DNAH5: variants seen among roughly 807,000 people sequenced by gnomAD.
DNAH5 encodes dynein axonemal heavy chain 5, also known as axonemal beta dynein heavy chain 5.
In DNAH5, 372 loss-of-function variants were observed where a neutral mutation model predicts 518.2. That is an observed-to-expected ratio of 0.72 (90% CI 0.66 to 0.78). The LOEUF (loss-of-function observed/expected upper bound fraction) is 0.78, where lower values mean the gene tolerates loss of function less well. Ranked by LOEUF, DNAH5 falls within the 30% of genes least tolerant of loss-of-function variation. The pLI is 0.00. For missense variants in DNAH5, 5,523 were observed against 5,687.0 expected, an observed-to-expected ratio of 0.97 and a Z score of 0.93; for synonymous variants, 2,039 against 2,025.9, an observed-to-expected ratio of 1.01 and a Z score of -0.17.
chr5:13,816,551 G>T (rs1388563649), intron 42 of DNAH5, among the ~76,000 whole-genome samples: 1 of 131,926 alleles, frequency 7.6e-6, no homozygotes, highest in African/African-American at 3.0e-5. Context: ...AATGTGGAAA[G>T]GGGAAAAAAA....
Position 13,943,698 on chromosome 5 carries a change from TA to T in DNAH5, c.57+683del, listed in dbSNP as rs530739307. ...CTCTTTTGTGGTAAAAACAACAGGC[TA>T]GGGGGGATCATGTGAGCTTCTGGGG... On this transcript the variant is annotated intron_variant, in intron 1 of 78. Transcript: ENST00000265104. Among the ~76,000 whole-genome samples, 1,170 of 152,214 alleles carry T rather than the reference TA, an allele frequency of 7.7e-3. 5 individuals carry two copies. Among genetic ancestry groups the T allele is most frequent in the South Asian group, 0.025 (118 of 4,814 alleles).
At chr5:13,938,467 A>G (rs1823046) in intron 1 of DNAH5, among the ~76,000 whole-genome samples, 60,154 of 151,278 alleles carry the variant, frequency 0.4, 13,236 homozygotes, top group East Asian at 0.7. Flanking sequence ...TTTTATTATT[A>G]TTGTTGTTGT....
At chr5:13,929,217 G>A (rs1778181090) in intron 2 of DNAH5, among the ~76,000 whole-genome samples, 1 of 152,188 alleles carries the variant, frequency 6.6e-6, no homozygotes, top group Admixed American at 6.5e-5. Flanking sequence ...TACACTAAGT[G>A]AAATAAGACG....
chr5:13,746,677 A>T lies in DNAH5; in HGVS notation c.11211+4401T>A, dbSNP rs558631943. Reference sequence around the variant, plus strand: ...TGGGAGGCAATTAGTATTAACAGCAAATATTTGATTCAGGTTGAGTTTCTC... The same window carrying T: ...TGGGAGGCAATTAGTATTAACAGCATATATTTGATTCAGGTTGAGTTTCTC... On this transcript the variant is annotated intron_variant, in intron 65 of 78. Coordinates refer to ENST00000265104, the MANE Select transcript of DNAH5 (RefSeq NM_001369.3). Among the ~76,000 whole-genome samples the T allele has an allele frequency of 2.3e-3, 347 of 152,232 alleles. 1 individual carries two copies. Among genetic ancestry groups the T allele is most frequent in the African/African-American group, 8.1e-3 (336 of 41,550 alleles).
chr5:13,743,573 G>C (rs955664557), intron 65 of DNAH5, among the ~76,000 whole-genome samples: 10 of 151,712 alleles, frequency 6.6e-5, no homozygotes, highest in Admixed American at 6.6e-4. Flanking sequence ...ATTTATCTAA[G>C]AGGGGATTAA....
intron 17 of DNAH5, 60 bp from the exon 18 acceptor site, chr5:13,886,189 G>A (rs1430240971): frequency 2.7e-6 from 4 of 1,492,152 alleles, no homozygotes; most frequent in Non-Finnish European, 3.6e-6. Context: ...TCTAGCTTTT[G>A]AGAGCACAGA....
chr5:13,847,740 GA>G (rs973828827), intron 31 of DNAH5, among the ~76,000 whole-genome samples: 17 of 147,358 alleles, frequency 1.2e-4, no homozygotes, highest in South Asian at 2.2e-4. Flanking sequence ...AAAAAAAGGA[GA>G]AAAAAAAAAT....
In DNAH5 at chr5:13,814,665, G is replaced by A. The variant is rs1227226943; in HGVS notation, c.7170C>T (p.Val2390=). 6.2e-7 allele frequency: 1 copy of A among 1,614,022 alleles called. No homozygotes were observed. The stretch of plus-strand genomic sequence containing the variant: ...TCATGAAAACCATTCCATTTCTTGA[G>A]ACGGTGGCAGGAGAAGCATTGTCAA... ...HNIDNASPAT[V]SRNGMVFMSS... is the part of the protein sequence containing the mutation. The change falls in exon 43 of 79, where the codon GTC becomes GTT. Residue 2390 remains valine (V), a synonymous_variant. Transcript: ENST00000265104.
At chr5:13,832,484 T>C (rs932751943) in intron 35 of DNAH5, among the ~76,000 whole-genome samples, 1 of 152,242 alleles carries the variant, frequency 6.6e-6, no homozygotes, top group African/African-American at 2.4e-5. Context: ...TGAGTGTATC[T>C]CCCTTCTTGC....
intron 38 of DNAH5, among the ~76,000 whole-genome samples, chr5:13,827,982 TGCTGAA>T (rs1763122343): frequency 6.6e-6 from 1 of 152,238 alleles, no homozygotes; most frequent in Non-Finnish European, 1.5e-5. Flanking sequence ...TTCCCAGCCA[TGCTGAA>T]GTGTGATTCA....
At chr5:13,794,208 A>G in intron 47 of DNAH5, 150 bp from the exon 48 acceptor site, 5 of 929,664 alleles carry the variant, frequency 5.4e-6, no homozygotes, top group South Asian at 3.2e-5. Context: ...AACAAATTCT[A>G]AAGTACCTAA....
At chr5:13,842,132 C>A (rs1462587846) in intron 32 of DNAH5, among the ~76,000 whole-genome samples, 1 of 151,638 alleles carries the variant, frequency 6.6e-6, no homozygotes, top group Non-Finnish European at 1.5e-5. Context: ...GTAATCCCAG[C>A]ACTTTGGGAG....
rs78336763 is a variant in DNAH5 at position 13,707,586 on chromosome 5, C to G, written c.13338+537G>C. 0.029 allele frequency among the ~76,000 whole-genome samples: 4,400 copies of G among 152,288 alleles called. 207 individuals are homozygous for G. The highest frequency in any genetic ancestry group is 0.096 in the African/African-American group (3,985 of 41,550). ...CTCTGCATGCTCCCCCTAGGGATTT[C>G]AGCAGCAGGGCACAGAAAACCCAGC... On this transcript the variant is annotated intron_variant, in intron 76 of 78. Coordinates refer to ENST00000265104, the MANE Select transcript of DNAH5 (RefSeq NM_001369.3). This position sits in a 1 kb window ranked among gnomAD's most constrained non-coding sequence, Gnocchi z 4.0.
At chr5:13,909,678 C>A (rs1193253899) in intron 12 of DNAH5, among the ~76,000 whole-genome samples, 1 of 152,090 alleles carries the variant, frequency 6.6e-6, no homozygotes, top group African/African-American at 2.4e-5. Flanking sequence ...GAGTAGTATT[C>A]TTTCCTAAGT....
chr5:13,843,777 T>G (rs1277016411), intron 32 of DNAH5, among the ~76,000 whole-genome samples: 4 of 152,208 alleles, frequency 2.6e-5, no homozygotes, highest in African/African-American at 9.6e-5. Flanking sequence ...AAAACATCAG[T>G]GCAAATTTAT....
chr5:13,825,582 T>C (rs1762790136), intron 38 of DNAH5, among the ~76,000 whole-genome samples: 1 of 152,162 alleles, frequency 6.6e-6, no homozygotes, highest in African/African-American at 2.4e-5. Flanking sequence ...CTTGAGGACA[T>C]TACACTAAGT....
intron 1 of DNAH5, among the ~76,000 whole-genome samples, chr5:14,010,239 T>A (rs1242316451): frequency 1.3e-5 from 2 of 152,180 alleles, no homozygotes; most frequent in Non-Finnish European, 2.9e-5. Context: ...GGTATGTCAA[T>A]GTAATTTCCT....
intron 49 of DNAH5, 40 bp downstream of exon 49, chr5:13,793,475 T>G: frequency 6.4e-7 from 1 of 1,562,008 alleles, no homozygotes; most frequent in Non-Finnish European, 8.8e-7. Flanking sequence ...AAGCAGGTGT[T>G]CTTCCTCACC....
At chr5:13,981,883 C>A (rs138742323) in intron 1 of DNAH5, among the ~76,000 whole-genome samples, 20 of 152,300 alleles carry the variant, frequency 1.3e-4, no homozygotes, top group African/African-American at 4.3e-4. Flanking sequence ...CTGAAGTCAT[C>A]CTGATTTCCT....
Sources: allele counts gnomAD v4.1 joint callset (sites outside exome capture counted in the v4.1 genomes callset), GRCh38; gene constraint gnomAD v4.1.1; non-coding constraint Gnocchi (gnomAD v3.1); transcripts MANE v1.5; gene names NCBI Gene and HGNC (gene_info 2026-07-23, HGNC 2026-07-21).